Variants in RUNX1 observed in about 807,000 individuals in gnomAD.
RUNX1 encodes runt-related transcription factor 1.
A neutral mutation model predicts 42.8 loss-of-function variants in RUNX1; 19 were observed. That is an observed-to-expected ratio of 0.44 (90% CI 0.31 to 0.65). The LOEUF (loss-of-function observed/expected upper bound fraction) is 0.65, where lower values mean the gene tolerates loss of function less well. Among genes scored for constraint, RUNX1 ranks in the 30% least tolerant of loss-of-function variants. The pLI is 0.07. For missense variants in RUNX1, 528 were observed against 672.0 expected, an observed-to-expected ratio of 0.79 and a Z score of 2.37; for synonymous variants, 271 against 289.4, an observed-to-expected ratio of 0.94 and a Z score of 0.64.
intron 2 of RUNX1, among the ~76,000 whole-genome samples, chr21:34,990,214 G>A (rs2058926294): frequency 6.6e-6 from 1 of 152,142 alleles, no homozygotes; most frequent in South Asian, 2.1e-4. Context: ...TCATGCAGCT[G>A]GGTGAGGCAT....
chr21:35,046,453 T>C (rs1460742159), intron 2 of RUNX1, among the ~76,000 whole-genome samples: 2 of 151,998 alleles, frequency 1.3e-5, no homozygotes, highest in East Asian at 1.9e-4. Flanking sequence ...ACAGTTGCCG[T>C]TGGGGAGGGA....
At chr21:34,864,514 C>T (rs1159070229) in intron 5 of RUNX1, among the ~76,000 whole-genome samples, 1 of 152,182 alleles carries the variant, frequency 6.6e-6, no homozygotes, top group Non-Finnish European at 1.5e-5. Context: ...ACTCACTGGC[C>T]TTGGTCTGGT....
chr21:35,012,472 TC>T (rs893564898), intron 2 of RUNX1, among the ~76,000 whole-genome samples: 57 of 152,336 alleles, frequency 3.7e-4, no homozygotes, highest in African/African-American at 1.3e-3. Flanking sequence ...TGTATAACTC[TC>T]AGATATTTCT....
intron 2 of RUNX1, among the ~76,000 whole-genome samples, chr21:34,974,651 A>ACTCCTG (rs1237831528): frequency 5.3e-5 from 8 of 151,968 alleles, no homozygotes; most frequent in Non-Finnish European, 1.2e-4. Context: ...TGTGATGCCA[A>ACTCCTG]CTCCTGCTCC....
At chr21:34,892,825 A>AT (rs1162615149) in intron 3 of RUNX1, 100 bp downstream of exon 3, 1 of 742,028 alleles carries the variant, frequency 1.3e-6, no homozygotes, top group Non-Finnish European at 2.3e-6. Context: ...TGGTTAAATT[A>AT]TATCACAAGT....
chr21:35,040,897 T>C (rs1230379757), intron 2 of RUNX1, among the ~76,000 whole-genome samples: 1 of 152,136 alleles, frequency 6.6e-6, no homozygotes, highest in African/African-American at 2.4e-5. Flanking sequence ...AACCCCCATC[T>C]GGCAAGCTGA....
At chr21:34,847,717 G>C (rs2057337325) in intron 6 of RUNX1, among the ~76,000 whole-genome samples, 1 of 152,100 alleles carries the variant, frequency 6.6e-6, no homozygotes, top group Non-Finnish European at 1.5e-5. Context: ...ACTGCATTTT[G>C]ATAAAACCTT....
In RUNX1 at chr21:34,901,674, C is replaced by A; in HGVS notation, c.59-8711G>T. On this transcript the variant is annotated intron_variant, in intron 2 of 8. Coordinates refer to ENST00000675419, the MANE Select transcript of RUNX1 (RefSeq NM_001754.5). This position sits in a 1 kb window ranked among gnomAD's most constrained non-coding sequence, Gnocchi z 4.3. ...GCCCTTCTCCACATGCTCTTTGGTT[C>A]CGTCAGCTACAGACAGAGGTTATGT... is the stretch of plus-strand genomic sequence containing the variant. 6.6e-6 allele frequency among the ~76,000 whole-genome samples: 1 copy of A among 152,176 alleles called. No homozygotes were observed. The highest frequency in any genetic ancestry group is 1.5e-5 in the Non-Finnish European group (1 of 68,032).
chr21:34,877,472 T>C (rs2057830808), intron 5 of RUNX1, among the ~76,000 whole-genome samples: 2 of 152,272 alleles, frequency 1.3e-5, no homozygotes, highest in Admixed American at 1.3e-4. Flanking sequence ...GGAGCTGCTA[T>C]CTCTTCCTCC....
At chr21:34,940,879 T>C (rs1458199303) in intron 2 of RUNX1, among the ~76,000 whole-genome samples, 1 of 152,188 alleles carries the variant, frequency 6.6e-6, no homozygotes, top group Non-Finnish European at 1.5e-5. Flanking sequence ...ATTTGCTCCC[T>C]TCAAGTTGGA....
At chr21:34,978,925 CACACACACAGAT>C (rs995226683) in intron 2 of RUNX1, among the ~76,000 whole-genome samples, 3 of 137,314 alleles carry the variant, frequency 2.2e-5, no homozygotes, top group African/African-American at 8.1e-5. Flanking sequence ...TCAGACAAAA[CACACACACAGAT>C]ACACACACAC....
At chr21:34,948,793 T>C (rs1412839680) in intron 2 of RUNX1, among the ~76,000 whole-genome samples, 2 of 152,114 alleles carry the variant, frequency 1.3e-5, no homozygotes, top group African/African-American at 4.8e-5. Context: ...TCACCCAGGC[T>C]AGAGTGCAGT....
intron 4 of RUNX1, among the ~76,000 whole-genome samples, chr21:34,882,199 C>A (rs376620577): frequency 2.6e-5 from 4 of 152,132 alleles, no homozygotes; most frequent in Admixed American, 2.6e-4. Context: ...TGTATGATAT[C>A]GAAGTCATGT....
chr21:35,019,998 C>A (rs1375224029), intron 2 of RUNX1, among the ~76,000 whole-genome samples: 1 of 152,104 alleles, frequency 6.6e-6, no homozygotes, highest in African/African-American at 2.4e-5. Flanking sequence ...TTTACATAGT[C>A]TTAGGCGGAC....
chr21:35,043,564 GATTTGTGATGTGTTTT>G (rs2059375272), intron 2 of RUNX1, among the ~76,000 whole-genome samples: 1 of 152,214 alleles, frequency 6.6e-6, no homozygotes, highest in African/African-American at 2.4e-5. Context: ...AAGCTAAGAA[GATTTGTGATGTGTTTT>G]ATGGTACCTC....
intron 4 of RUNX1, among the ~76,000 whole-genome samples, chr21:34,882,645 T>C (rs961514040): frequency 6.6e-6 from 1 of 152,166 alleles, no homozygotes; most frequent in African/African-American, 2.4e-5. Flanking sequence ...TAAAAAGATA[T>C]CACGGAAATA....
At chr21:35,007,738 G>C (rs1017863513) in intron 2 of RUNX1, among the ~76,000 whole-genome samples, 13 of 152,030 alleles carry the variant, frequency 8.6e-5, no homozygotes, top group East Asian at 1.9e-4. Flanking sequence ...CACCACCCTC[G>C]TTCAGGCCCT....
intron 2 of RUNX1, among the ~76,000 whole-genome samples, chr21:35,000,408 T>C (rs1311922709): frequency 6.6e-6 from 1 of 151,914 alleles, no homozygotes; most frequent in Non-Finnish European, 1.5e-5. Context: ...ACCTGACTAA[T>C]TTTTTGTATT....
chr21:34,792,426 G>A lies in RUNX1; in HGVS notation c.1152C>T (p.Pro384=), dbSNP rs1244700563. 1.3e-6 allele frequency: 2 copies of A among 1,571,620 alleles called. No individual in the cohort carries two copies. Among genetic ancestry groups the A allele is most frequent in the East Asian group, 2.3e-5 (1 of 42,702 alleles). Residue 384 remains proline (P), a synonymous_variant, in exon 9 of 9, where the codon CCC becomes CCT. Transcript: ENST00000675419. This position sits in a 1 kb window ranked among gnomAD's most constrained non-coding sequence, Gnocchi z 6.9. ...CCTGCGCTTGCGACGAGCCGGGGTA[G>A]GGCGGCGGCAGGTAGGTGTGGTAGC... ...ATRYHTYLPP[P]YPGSSQAQGG...
Sources: allele counts gnomAD v4.1 joint callset (sites outside exome capture counted in the v4.1 genomes callset), GRCh38; gene constraint gnomAD v4.1.1; non-coding constraint Gnocchi (gnomAD v3.1); transcripts MANE v1.5; gene names NCBI Gene and HGNC (gene_info 2026-07-23, HGNC 2026-07-21).